Variants in MTHFD1L observed in about 807,000 individuals in gnomAD.
MTHFD1L encodes the protein methylenetetrahydrofolate dehydrogenase (NADP+ dependent) 1 like.
A neutral mutation model predicts 119.5 loss-of-function variants in MTHFD1L; 81 were observed. The observed-to-expected ratio is 0.68, with a 90% CI of 0.57 to 0.82. The LOEUF is 0.82. Ranked by LOEUF, MTHFD1L falls within the 40% of genes least tolerant of loss-of-function variation. The pLI is 0.00. For missense variants in MTHFD1L, 1,125 were observed against 1,253.4 expected, an observed-to-expected ratio of 0.90 and a Z score of 1.55; for synonymous variants, 430 against 475.2, an observed-to-expected ratio of 0.90 and a Z score of 1.24.
intron 24 of MTHFD1L, among the ~76,000 whole-genome samples, chr6:151,023,396 C>T (rs189651374): frequency 2.0e-5 from 3 of 152,248 alleles, no homozygotes; most frequent in Middle Eastern, 3.4e-3. Flanking sequence ...CCTTAGATCC[C>T]TCTCAAATCT....
At chr6:151,024,159 C>T (rs1444454649) in intron 24 of MTHFD1L, among the ~76,000 whole-genome samples, 3 of 151,984 alleles carry the variant, frequency 2.0e-5, no homozygotes, top group Admixed American at 2.0e-4. Flanking sequence ...ACGAGCGTTG[C>T]ACCTGTATTC....
intron 24 of MTHFD1L, among the ~76,000 whole-genome samples, chr6:151,033,145 G>T (rs988919416): frequency 1.3e-5 from 2 of 149,982 alleles, no homozygotes; most frequent in East Asian, 2.0e-4. Context: ...TTGAGACAGA[G>T]TCTTGCTCTG....
At chr6:150,867,532 C>T (rs1778615446) in intron 1 of MTHFD1L, among the ~76,000 whole-genome samples, 1 of 152,150 alleles carries the variant, frequency 6.6e-6, no homozygotes, top group South Asian at 2.1e-4. Flanking sequence ...GAGTCTGAAG[C>T]CAGGATAGGC....
intron 27 of MTHFD1L, 75 bp downstream of exon 27, chr6:151,092,662 T>C (rs202191745): frequency 3.6e-6 from 3 of 829,180 alleles, no homozygotes; most frequent in South Asian, 1.7e-5. Context: ...ATTTTTTTTT[T>C]CTGATACCAC....
At chr6:151,088,036 A>G (rs1793988426) in intron 26 of MTHFD1L, 1 of 152,064 alleles carries the variant, frequency 6.6e-6, no homozygotes, top group South Asian at 2.1e-4. Flanking sequence ...TCAACTCCCA[A>G]CGGCTGTCTG....
intron 24 of MTHFD1L, among the ~76,000 whole-genome samples, chr6:151,030,824 G>T (rs1412023245): frequency 6.6e-6 from 1 of 152,158 alleles, no homozygotes; most frequent in East Asian, 1.9e-4. Context: ...AATAAGAGAT[G>T]GTCCCGAGGC....
rs895364993 is a variant in MTHFD1L at position 151,017,830 on chromosome 6, C to CTTTT, written c.2586+2156_2586+2159dup. Reference sequence around the variant, plus strand: ...AAGTATCCCTTCAAGACCGTGTTTTCTTTTTTTTTTTTTTTTTTTTTTGAG... The same window carrying CTTTT: ...AAGTATCCCTTCAAGACCGTGTTTTCTTTTTTTTTTTTTTTTTTTTTTTTTTGAG... On this transcript the variant is annotated intron_variant, in intron 24 of 27. Transcript: ENST00000367321. Among the ~76,000 whole-genome samples the CTTTT allele has an allele frequency of 1.4e-3, 139 of 98,968 alleles. 4 individuals are homozygous for CTTTT. In the East Asian group the frequency reaches 0.015, roughly 11 times the overall value. The allele number at this position is 98,968 out of a possible 152,430, so 64.9% of individuals were successfully genotyped here. A position where few individuals can be genotyped will look rare whatever the true frequency, so the allele number is the denominator to read the frequency against.
intron 11 of MTHFD1L, chr6:150,934,939 C>T: frequency 6.6e-7 from 1 of 1,518,434 alleles, no homozygotes; most frequent in African/African-American, 1.4e-5. Context: ...AAAAGCATTT[C>T]AATTTGGGAC....
At chr6:150,896,352 A>G (rs891742389) in intron 7 of MTHFD1L, among the ~76,000 whole-genome samples, 1 of 152,288 alleles carries the variant, frequency 6.6e-6, no homozygotes, top group Middle Eastern at 3.4e-3. Flanking sequence ...GGGGCTCATC[A>G]TCAGCTCTCC....
At chr6:150,906,495 A>C (rs981349177) in intron 8 of MTHFD1L, among the ~76,000 whole-genome samples, 12 of 152,308 alleles carry the variant, frequency 7.9e-5, no homozygotes, top group African/African-American at 2.6e-4. Context: ...GAGCACACCC[A>C]GGCCCTCAGC....
intron 20 of MTHFD1L, among the ~76,000 whole-genome samples, chr6:150,993,468 C>T (rs1205684522): frequency 6.6e-6 from 1 of 152,004 alleles, no homozygotes; most frequent in East Asian, 1.9e-4. Flanking sequence ...CACACCACCA[C>T]GTCCAGCTAA....
chr6:150,913,627 A>G (rs1353268411), intron 8 of MTHFD1L, among the ~76,000 whole-genome samples: 1 of 152,154 alleles, frequency 6.6e-6, no homozygotes, highest in Non-Finnish European at 1.5e-5. Flanking sequence ...TTAAAACTGA[A>G]TTAGAAAATC....
intron 24 of MTHFD1L, among the ~76,000 whole-genome samples, chr6:151,020,046 A>G (rs908241042): frequency 6.6e-6 from 1 of 152,202 alleles, no homozygotes; most frequent in Non-Finnish European, 1.5e-5. Flanking sequence ...TGCTTTGCAT[A>G]TGACACTCTC....
chr6:150,931,188 T>TA (rs1562401596), intron 11 of MTHFD1L, among the ~76,000 whole-genome samples: 2 of 151,106 alleles, frequency 1.3e-5, no homozygotes, highest in Non-Finnish European at 2.9e-5. Context: ...ACAGAGCAGC[T>TA]AAAAAAGCAG....
chr6:150,874,236 T>A (rs1218279152), intron 1 of MTHFD1L, among the ~76,000 whole-genome samples: 3 of 152,222 alleles, frequency 2.0e-5, no homozygotes, highest in African/African-American at 2.4e-5. Flanking sequence ...ATTAATTCCC[T>A]GGGAATGAAG....
In MTHFD1L at chr6:150,882,906, TAATC is replaced by T. The variant is rs1287963756; in HGVS notation, c.542+23_542+26del. ...GGATGGGTAAGAAAATAAAATCAAA[TAATC>T]AACCTTTATGGCTAAATCACTTTTT... On this transcript the variant is annotated intron_variant, in intron 5 of 27. Coordinates refer to ENST00000367321, the MANE Select transcript of MTHFD1L (RefSeq NM_015440.5). The T allele has an allele frequency of 6.4e-7, 1 of 1,556,472 alleles. No individual in the cohort carries two copies. The highest frequency in any genetic ancestry group is 1.3e-5 in the South Asian group (1 of 79,826).
rs117548379 is a variant in MTHFD1L, at chr6:151,039,052, G to A, written c.2847+1935G>A. Among the ~76,000 whole-genome samples, 3,849 of 152,216 alleles carry A rather than the reference G, an allele frequency of 0.025. 107 individuals carry two copies. The highest frequency in any genetic ancestry group is 0.092 in the Admixed American group (1,410 of 15,296). On this transcript the variant is annotated intron_variant, in intron 26 of 27. Coordinates refer to ENST00000367321, the MANE Select transcript of MTHFD1L (RefSeq NM_015440.5). The surrounding 1 kb of genome is among the most constrained non-coding windows in gnomAD (Gnocchi z 4.4). ...TTTAAGGATATGGGTGAAGGCAGTC[G>A]TTAAACAAGAGACACAGGGATAGCT...
intron 10 of MTHFD1L, among the ~76,000 whole-genome samples, chr6:150,923,509 C>CTTTATTTATTTATTTA (rs368593673): frequency 0.075 from 8,868 of 117,936 alleles, 535 homozygotes; most frequent in East Asian, 0.16. Context: ...GTAACTGACA[C>CTTTATTTATTTATTTA]TTTATTTATT....
At chr6:151,100,008 AAAGAAAGAAATAT>A (rs1310370909) in intron 27 of MTHFD1L, 1 of 744,134 alleles carries the variant, frequency 1.3e-6, no homozygotes, top group East Asian at 2.6e-5. Flanking sequence ...AAAAAAAAGA[AAAGAAAGAAATAT>A]TTTCTTTCTT....
Sources: allele counts gnomAD v4.1 joint callset (sites outside exome capture counted in the v4.1 genomes callset), GRCh38; gene constraint gnomAD v4.1.1; non-coding constraint Gnocchi (gnomAD v3.1); transcripts MANE v1.5; gene names NCBI Gene and HGNC (gene_info 2026-07-23, HGNC 2026-07-21).